The following KCNQ1OT1 variants were observed in gnomAD, a reference collection of about 807,000 sequenced individuals.
The protein encoded by KCNQ1OT1 is KCNQ1 opposite strand/antisense transcript 1, also known as KCNQ1 antisense RNA 2 (non-protein coding).
At chr11:2,640,752 C>G (rs1849562627) in exon 1 of KCNQ1OT1, 2 of 398,408 alleles carry the variant, frequency 5.0e-6, no homozygotes, top group East Asian at 7.1e-5. Flanking sequence ...AGTCAACCAA[C>G]TCTTATCAAA....
In KCNQ1OT1 at chr11:2,663,244, A is replaced by G. The variant is rs1850002535; in HGVS notation, n.36751T>C. ...CAAGGGAGCCAGCAGATCACTGGAA[A>G]GCAGGGGTGACTAGTCATGGACACC... On this transcript the variant is annotated non_coding_transcript_exon_variant, in exon 1 of 1. Coordinates refer to ENST00000597346, the Ensembl canonical transcript of KCNQ1OT1. The surrounding 1 kb of genome is among the most constrained non-coding windows in gnomAD (Gnocchi z 5.2). 1 of 398,720 alleles carries G rather than the reference A, an allele frequency of 2.5e-6. No homozygotes were observed. Among genetic ancestry groups the G allele is most frequent in the Non-Finnish European group, 4.4e-6 (1 of 226,136 alleles). 24.7% of individuals were successfully genotyped at this position (398,720 alleles called of 1,614,324 possible).
chr11:2,622,828 A>C, exon 1 of KCNQ1OT1: 1 of 398,256 alleles, frequency 2.5e-6, no homozygotes. Flanking sequence ...CCCATTACCA[A>C]CTCTCCCACC....
rs1400485590 is a variant in KCNQ1OT1 at position 2,678,791 on chromosome 11, C to G, written n.21204G>C. ...GCTTCATCGTGGCAGCTAATAATGT[C>G]AGGGAGCATGAGCACTTGTTTCTTC... On this transcript the variant is annotated non_coding_transcript_exon_variant, in exon 1 of 1. Coordinates refer to ENST00000597346, the Ensembl canonical transcript of KCNQ1OT1. The surrounding 1 kb of genome is among the most constrained non-coding windows in gnomAD (Gnocchi z 4.9). The G allele has an allele frequency of 2.5e-6, 1 of 398,476 alleles. No individual in the cohort carries two copies. Among genetic ancestry groups the G allele is most frequent in the Non-Finnish European group, 4.4e-6 (1 of 226,084 alleles). The allele number at this position is 398,476 out of a possible 1,614,324, so 24.7% of individuals were successfully genotyped here.
In KCNQ1OT1 at chr11:2,664,926, G is replaced by A. The variant is rs1051801991; in HGVS notation, n.35069C>T. 1.5e-5 allele frequency: 6 copies of A among 398,512 alleles called. No individual in the cohort carries two copies. Among genetic ancestry groups the A allele is most frequent in the Non-Finnish European group, 2.2e-5 (5 of 226,080 alleles). The allele number at this position is 398,512 out of a possible 1,614,324, so 24.7% of individuals were successfully genotyped here. Reference sequence around the variant, plus strand: ...CCATCTCGAGCTCTCCCCGCCCGCAGGGCCCCAGAGAGGTGAGGTCACTAT... The same window carrying A: ...CCATCTCGAGCTCTCCCCGCCCGCAAGGCCCCAGAGAGGTGAGGTCACTAT... On this transcript the variant is annotated non_coding_transcript_exon_variant, in exon 1 of 1. Transcript: ENST00000597346. The surrounding 1 kb of genome is among the most constrained non-coding windows in gnomAD (Gnocchi z 5.1).
exon 1 of KCNQ1OT1, chr11:2,635,582 T>C (rs1405422008): frequency 6.6e-6 from 1 of 152,236 alleles, no homozygotes; most frequent in African/African-American, 2.4e-5. Flanking sequence ...TTGGTGACTG[T>C]AGCCTTGTAG....
chr11:2,627,950 C>A lies in KCNQ1OT1; in HGVS notation n.72045G>T. 2.5e-6 allele frequency: 1 copy of A among 398,532 alleles called. No homozygotes were observed. Among genetic ancestry groups the A allele is most frequent in the Non-Finnish European group, 4.4e-6 (1 of 226,062 alleles). The allele number at this position is 398,532 out of a possible 1,614,324, so 24.7% of individuals were successfully genotyped here. ...AATTTTATGTAGAGATAGGGTATCA[C>A]TATGTTTCCTAGGCTGGTCTCAAAC... is the stretch of plus-strand genomic sequence containing the variant. On this transcript the variant is annotated non_coding_transcript_exon_variant, in exon 1 of 1. Coordinates refer to ENST00000597346, the Ensembl canonical transcript of KCNQ1OT1. This position sits in a 1 kb window ranked among gnomAD's most constrained non-coding sequence, Gnocchi z 4.9.
rs1554898441 is a variant in KCNQ1OT1, at chr11:2,620,946, TTG to T, written n.79047_79048del. On this transcript the variant is annotated non_coding_transcript_exon_variant, in exon 1 of 1. Transcript: ENST00000597346. This position sits in a 1 kb window ranked among gnomAD's most constrained non-coding sequence, Gnocchi z 4.5. The stretch of plus-strand genomic sequence containing the variant: ...GTTTTTTTGTTGTTGTTGTTTTGTT[TTG>T]TTTTTTTTTGTCTGTTTTTTGCTTT... 5.3e-5 allele frequency: 16 copies of T among 303,206 alleles called. No individual in the cohort carries two copies. Among genetic ancestry groups the T allele is most frequent in the African/African-American group, 8.6e-5 (2 of 23,154 alleles). The allele number at this position is 303,206 out of a possible 1,614,324, so 18.8% of individuals were successfully genotyped here.
exon 1 of KCNQ1OT1, chr11:2,649,683 G>T (rs1250714376): frequency 5.0e-6 from 2 of 398,418 alleles, no homozygotes; most frequent in African/African-American, 4.1e-5. Context: ...ATCTGCTGTT[G>T]ATTCCCTTAT....
At chr11:2,696,853 G>C in exon 1 of KCNQ1OT1, 1 of 398,386 alleles carries the variant, frequency 2.5e-6, no homozygotes, top group Non-Finnish European at 4.4e-6. Flanking sequence ...TTTTTAGTCA[G>C]TTGCTATTGG....
chr11:2,614,827 A>G (rs1198729008), exon 1 of KCNQ1OT1: 1 of 398,296 alleles, frequency 2.5e-6, no homozygotes, highest in Non-Finnish European at 4.4e-6. Flanking sequence ...GGCAGGCCTG[A>G]GTCTTCCAAC....
rs1260494214 is a variant in KCNQ1OT1 at position 2,677,246 on chromosome 11, G to A, written n.22749C>T. 6 of 398,416 alleles carry A rather than the reference G, an allele frequency of 1.5e-5. No homozygotes were observed. The highest frequency in any genetic ancestry group is 1.3e-4 in the Admixed American group (3 of 22,696). The allele number at this position is 398,416 out of a possible 1,614,324, so 24.7% of individuals were successfully genotyped here. On this transcript the variant is annotated non_coding_transcript_exon_variant, in exon 1 of 1. Coordinates refer to ENST00000597346, the Ensembl canonical transcript of KCNQ1OT1. The surrounding 1 kb of genome is among the most constrained non-coding windows in gnomAD (Gnocchi z 4.5). ...AAAGACAATATAAAGCACACACAAA[G>A]TAAAGAGGAACTTATAAAGAGGAAC...
At chr11:2,681,897 C>T (rs544002737) in exon 1 of KCNQ1OT1, 76 of 398,588 alleles carry the variant, frequency 1.9e-4, no homozygotes, top group African/African-American at 1.5e-3. Context: ...AGAAAACACA[C>T]CGGCCATAAT....
At chr11:2,672,732 G>A (rs1427703080) in exon 1 of KCNQ1OT1, 1 of 398,758 alleles carries the variant, frequency 2.5e-6, no homozygotes, top group Non-Finnish European at 4.4e-6. Flanking sequence ...CAGACTCCAA[G>A]TTCTATGCTT....
At chr11:2,699,776 G>A (rs932172820) in exon 1 of KCNQ1OT1, 2 of 397,062 alleles carry the variant, frequency 5.0e-6, no homozygotes, top group Non-Finnish European at 8.9e-6. Context: ...GAGGAGCCCC[G>A]AGGAGAACCG....
At position 2,670,450 on chromosome 11, in the gene KCNQ1OT1, A is replaced by G. The variant is rs1850162728; in HGVS notation, n.29545T>C. ...AGGAGATACTGCTGTTGGCTGAGAC[A>G]CACAGCCCACATCCTTGGTAGGTCC... On this transcript the variant is annotated non_coding_transcript_exon_variant, in exon 1 of 1. Transcript: ENST00000597346. The surrounding 1 kb of genome is among the most constrained non-coding windows in gnomAD (Gnocchi z 4.9). The G allele has an allele frequency of 2.5e-6, 1 of 397,638 alleles. No homozygotes were observed. The highest frequency in any genetic ancestry group is 2.1e-5 in the African/African-American group (1 of 48,308). 24.6% of individuals were successfully genotyped at this position (397,638 alleles called of 1,614,324 possible).
At chr11:2,685,130 C>CT (rs1395674337) in exon 1 of KCNQ1OT1, 1 of 398,544 alleles carries the variant, frequency 2.5e-6, no homozygotes, top group Non-Finnish European at 4.4e-6. Flanking sequence ...ATGGTCAGAG[C>CT]TAATCAGGTG....
exon 1 of KCNQ1OT1, chr11:2,616,219 TTTTG>T (rs1288943337): frequency 7.6e-6 from 3 of 397,236 alleles, no homozygotes; most frequent in Non-Finnish European, 8.9e-6. Context: ...TTTTTCTTAT[TTTTG>T]TTTTTTTTTG....
exon 1 of KCNQ1OT1, chr11:2,650,202 G>T (rs1254409911): frequency 5.0e-6 from 2 of 398,206 alleles, no homozygotes; most frequent in Admixed American, 8.8e-5. Context: ...TTCCTGATAT[G>T]TTTGTATTGT....
In KCNQ1OT1 at chr11:2,622,000, G is replaced by T. The variant is rs1849181466; in HGVS notation, n.77995C>A. ...TCTCTTCTTTTTTAATGTAGGCAAG[G>T]CATTTATTGCTGTAAACTTCCCTCT... is the stretch of plus-strand genomic sequence containing the variant. On this transcript the variant is annotated non_coding_transcript_exon_variant, in exon 1 of 1. Transcript: ENST00000597346. This position sits in a 1 kb window ranked among gnomAD's most constrained non-coding sequence, Gnocchi z 5.7. 1 of 398,224 alleles carries T rather than the reference G, an allele frequency of 2.5e-6. No individual in the cohort carries two copies. The allele number at this position is 398,224 out of a possible 1,614,324, so 24.7% of individuals were successfully genotyped here.
Sources: gnomAD v4.1 joint callset for allele counts on GRCh38, gnomAD v4.1.1 for gene constraint, Gnocchi (gnomAD v3.1) non-coding constraint, MANE v1.5 for transcripts, NCBI Gene and HGNC (gene_info 2026-07-23, HGNC 2026-07-21) for gene names.